The following CRYBA4 variants were observed in gnomAD, a reference collection of about 807,000 sequenced individuals.
CRYBA4 encodes crystallin beta A4, also known as beta-crystallin A4.
CRYBA4 carries 30 observed loss-of-function variants against 31.7 expected under a neutral mutation model. The observed-to-expected ratio is 0.95, with a 90% CI of 0.71 to 1.28. The LOEUF (loss-of-function observed/expected upper bound fraction) is 1.28, where lower values mean the gene tolerates loss of function less well. Ranked by LOEUF, CRYBA4 falls within the 50% of genes most tolerant of loss-of-function variation. The pLI, the probability that CRYBA4 is intolerant of heterozygous loss-of-function variation, is 0.00. For missense variants in CRYBA4, 225 were observed against 260.7 expected (o/e 0.86, Z 0.94); for synonymous variants, 102 against 102.3 (o/e 1.00, Z 0.02).
chr22:26,628,436 T>G lies in CRYBA4; in HGVS notation c.443+6T>G. 1 of 1,613,854 alleles carries G rather than the reference T, an allele frequency of 6.2e-7. No homozygotes were observed. The highest frequency in any genetic ancestry group is 8.5e-7 in the Non-Finnish European group (1 of 1,179,924). ...TTCCACGTCCACTCTGGGGCGTAAG[T>G]GTATTCAAGGCTCTACCTGGCAGGG... On this transcript the variant is annotated splice_donor_region_variant and intron_variant, in intron 5 of 5. Coordinates refer to ENST00000354760, the MANE Select transcript of CRYBA4 (RefSeq NM_001886.3).
At chr22:26,595,314 C>T in the CRYBA4 span, among the ~76,000 whole-genome samples, 118 of 151,960 alleles carry the variant, frequency 7.8e-4, no homozygotes, top group Non-Finnish European at 1.1e-3. Context: ...CAGTGGCTTA[C>T]GCCTGTAATC....
chr22:26,594,031 G>C, the CRYBA4 span, among the ~76,000 whole-genome samples: 1 of 152,174 alleles, frequency 6.6e-6, no homozygotes, highest in Non-Finnish European at 1.5e-5. Context: ...TGCAAACTCA[G>C]GTCTCTCTCA....
At chr22:26,598,880 A>C in the CRYBA4 span, among the ~76,000 whole-genome samples, 1 of 152,230 alleles carries the variant, frequency 6.6e-6, no homozygotes, top group African/African-American at 2.4e-5. Flanking sequence ...AGTTTGAAAA[A>C]AATTTATAGA....
intron 4 of CRYBA4, among the ~76,000 whole-genome samples, chr22:26,627,359 C>CCTTTCTTT (rs1245733367): frequency 0.01 from 428 of 41,812 alleles, 6 homozygotes; most frequent in Non-Finnish European, 0.013. Context: ...CTCCCTCCCT[C>CCTTTCTTT]CTTTCTTTCT....
At chr22:26,611,914 T>G in the CRYBA4 span, among the ~76,000 whole-genome samples, 1 of 152,102 alleles carries the variant, frequency 6.6e-6, no homozygotes, top group African/African-American at 2.4e-5. Context: ...TGAGAACAAT[T>G]CCTCCCTCTT....
chr22:26,603,346 A>G, the CRYBA4 span, among the ~76,000 whole-genome samples: 1 of 151,772 alleles, frequency 6.6e-6, no homozygotes, highest in African/African-American at 2.4e-5. Context: ...CCTGGCCAAC[A>G]TGGTGAAACC....
chr22:26,623,376 TG>T, intron 3 of CRYBA4, 24 bp downstream of exon 3: 4 of 1,583,522 alleles, frequency 2.5e-6, no homozygotes, highest in Non-Finnish European at 3.5e-6. Flanking sequence ...GACACTGAGT[TG>T]GGGTAGAGGG....
chr22:26,596,620 A>C, the CRYBA4 span: 1 of 152,214 alleles, frequency 6.6e-6, no homozygotes, highest in Non-Finnish European at 1.5e-5. Flanking sequence ...ATCATAGTGC[A>C]TCTTACCAAC....
At chr22:26,616,856 G>A in the CRYBA4 span, among the ~76,000 whole-genome samples, 3 of 152,206 alleles carry the variant, frequency 2.0e-5, no homozygotes, top group Non-Finnish European at 4.4e-5. Context: ...GGCCCAAACA[G>A]CTACTAAGTG....
At chr22:26,625,756 C>G in intron 4 of CRYBA4, 134 bp downstream of exon 4, 1 of 821,980 alleles carries the variant, frequency 1.2e-6, no homozygotes, top group Non-Finnish European at 1.9e-6. Flanking sequence ...AGTCTCTTTC[C>G]TCTCCAAGCC....
the CRYBA4 span, among the ~76,000 whole-genome samples, chr22:26,597,118 T>A: frequency 2.6e-5 from 4 of 152,146 alleles, no homozygotes; most frequent in African/African-American, 9.7e-5. Context: ...TGTGAGGTGG[T>A]GTCTCAACTT....
At chr22:26,615,433 C>T in the CRYBA4 span, among the ~76,000 whole-genome samples, 1 of 152,190 alleles carries the variant, frequency 6.6e-6, no homozygotes, top group African/African-American at 2.4e-5. Context: ...GCCTGATTGC[C>T]AGGTGTCCCT....
rs1357903844 is a variant in CRYBA4 at position 26,627,366 on chromosome 22, TTC to T, written c.301-920_301-919del. Among the ~76,000 whole-genome samples, 76 of 37,756 alleles carry T rather than the reference TTC, an allele frequency of 2.0e-3. 3 individuals are homozygous for T. The highest frequency in any genetic ancestry group is 4.9e-3 in the Admixed American group (15 of 3,066). 24.8% of individuals were successfully genotyped at this position (37,756 alleles called of 152,430 possible). On this transcript the variant is annotated intron_variant, in intron 4 of 5. Transcript: ENST00000354760. ...CTCCCTCCCTCCCTCCCTCCTTTCTTTCTTTCTTTCTTTCTTTCTTTCTTTCT... is the reference window on the plus strand; with the variant it reads ...CTCCCTCCCTCCCTCCCTCCTTTCTTTTTCTTTCTTTCTTTCTTTCTTTCT...
chr22:26,627,608 TTCTC>T (rs1017985035), intron 4 of CRYBA4, among the ~76,000 whole-genome samples: 1 of 137,494 alleles, frequency 7.3e-6, no homozygotes, highest in Non-Finnish European at 1.6e-5. Flanking sequence ...TTCTTTCTCT[TTCTC>T]TCTCTCTCCT....
upstream of CRYBA4, among the ~76,000 whole-genome samples, chr22:26,617,745 ATCTC>A (rs752915587): frequency 2.7e-5 from 4 of 148,198 alleles, no homozygotes; most frequent in African/African-American, 5.0e-5. Flanking sequence ...ATCTTTGCTT[ATCTC>A]TCTATCTGTC....
At chr22:26,619,611 G>A (rs756193586), upstream of CRYBA4, among the ~76,000 whole-genome samples, 46 of 152,208 alleles carry the variant, frequency 3.0e-4, no homozygotes, top group Non-Finnish European at 5.6e-4. Flanking sequence ...CTGGCCTGGA[G>A]CCAGCTTTGC....
the CRYBA4 span, chr22:26,601,866 G>C: frequency 1.9e-6 from 3 of 1,611,672 alleles, no homozygotes; most frequent in Admixed American, 1.7e-5. Flanking sequence ...GACCTGGCAG[G>C]AGGGATGCTT....
At chr22:26,627,359 C>CCTTCCTTT (rs1929738290) in intron 4 of CRYBA4, among the ~76,000 whole-genome samples, 2 of 41,822 alleles carry the variant, frequency 4.8e-5, no homozygotes, top group Non-Finnish European at 8.2e-5. Context: ...CTCCCTCCCT[C>CCTTCCTTT]CTTTCTTTCT....
chr22:26,599,705 A>G, the CRYBA4 span: 6 of 1,584,070 alleles, frequency 3.8e-6, no homozygotes, highest in Non-Finnish European at 5.2e-6. Flanking sequence ...CAGAGTGGAG[A>G]CAGCCTGTCT....
Sources: allele counts gnomAD v4.1 joint callset (sites outside exome capture counted in the v4.1 genomes callset), GRCh38; gene constraint gnomAD v4.1.1; transcripts MANE v1.5; gene names NCBI Gene and HGNC (gene_info 2026-07-23, HGNC 2026-07-21).